The following PPP1R14D variants were observed in gnomAD, a reference collection of about 807,000 sequenced individuals.
PPP1R14D encodes protein phosphatase 1 regulatory inhibitor subunit 14D.
PPP1R14D carries 14 observed loss-of-function variants against 17.1 expected under a neutral mutation model. That is an observed-to-expected ratio of 0.82 (90% confidence interval 0.54 to 1.28). The LOEUF is 1.28. Among genes scored for constraint, PPP1R14D ranks in the 50% most tolerant of loss-of-function variants. PPP1R14D has a pLI of 0.00. For missense variants in PPP1R14D, 173 were observed against 179.2 expected, an observed-to-expected ratio of 0.97 and a Z score of 0.20; for synonymous variants, 67 against 66.1, an observed-to-expected ratio of 1.01 and a Z score of -0.06.
rs1397141450 is a variant in PPP1R14D at position 40,815,966 on chromosome 15, G to A, written c.368C>T (p.Thr123Ile). The change falls in exon 3 of 4, where the codon ACA becomes ATA. Residue 123 changes from threonine (T) to isoleucine (I), a missense_variant. By Grantham distance (89) the Thr-to-Ile change is moderately conservative. Coordinates refer to ENST00000299174, the MANE Select transcript of PPP1R14D (RefSeq NM_017726.8). ...CAGCAGAAGAACATCCCTTACCTCT[G>A]TGGGGCGGGGGCAGTTCCCAAGAAT... ...EAILGNCPRP[T>I]EAFISELLSQ... is the part of the protein sequence containing the mutation. The A allele has an allele frequency of 4.3e-6, 7 of 1,613,938 alleles. No homozygotes were observed. The African/African-American group carries it at 9.3e-5, about 22-fold the overall frequency.
chr15:40,820,857 T>C (rs1026443687), intron 1 of PPP1R14D, among the ~76,000 whole-genome samples: 1 of 149,248 alleles, frequency 6.7e-6, no homozygotes, highest in Non-Finnish European at 1.5e-5. Context: ...CAAGACTCTG[T>C]CTCAAAATAA....
At position 40,816,316 on chromosome 15, in the gene PPP1R14D, T is replaced by G. The variant is rs650119; in HGVS notation, c.256-63A>C. On this transcript the variant is annotated intron_variant, in intron 1 of 3. Transcript: ENST00000299174. ...CAGCTGGTGCTGGAATGAAGGTTAC[T>G]GTCAGGGACTCAACCCACCTCTCTC... 31 of 1,363,656 alleles carry G rather than the reference T, an allele frequency of 2.3e-5. No individual in the cohort carries two copies. The South Asian group carries it at 3.3e-4, about 14-fold the overall frequency. 84.5% of individuals were successfully genotyped at this position (1,363,656 alleles called of 1,614,324 possible).
chr15:40,817,268 A>G, intron 1 of PPP1R14D: 1 of 300,512 alleles, frequency 3.3e-6, no homozygotes, highest in Admixed American at 3.3e-5. Context: ...GAGGCAGGAG[A>G]ATCGATTGAA....
intron 1 of PPP1R14D, among the ~76,000 whole-genome samples, chr15:40,819,934 T>C (rs1235593388): frequency 1.3e-5 from 2 of 151,756 alleles, no homozygotes; most frequent in Non-Finnish European, 2.9e-5. Context: ...TGGCATGATC[T>C]CGGCTCACCG....
Position 40,828,421 on chromosome 15 carries a change from T to C in PPP1R14D, c.221A>G (p.Gln74Arg). ...GQLQRWLEMEQWVDAQVQELF... is the reference protein window; with the variant it reads ...GQLQRWLEMERWVDAQVQELF... ...CTCCTGAACTTGAGCATCCACCCATTGCTCCATCTCCAGCCAGCGCTGGAG... is the reference window on the plus strand; with the variant it reads ...CTCCTGAACTTGAGCATCCACCCATCGCTCCATCTCCAGCCAGCGCTGGAG... Residue 74 changes from glutamine to arginine, a missense_variant, in exon 1 of 4, where the codon CAA (glutamine) becomes CGA (arginine). By Grantham distance (43) the Gln-to-Arg change is conservative. Coordinates refer to ENST00000299174, the MANE Select transcript of PPP1R14D (RefSeq NM_017726.8). 1 of 1,611,592 alleles carries C rather than the reference T, an allele frequency of 6.2e-7. No homozygotes were observed. Among genetic ancestry groups the C allele is most frequent in the Non-Finnish European group, 8.5e-7 (1 of 1,178,854 alleles).
chr15:40,828,545 A>T lies in PPP1R14D; in HGVS notation c.97T>A (p.Ser33Thr). The change falls in exon 1 of 4, where the codon TCA becomes ACA. Residue 33 changes from serine to threonine, a missense_variant. Ser to Thr is a moderately conservative substitution (Grantham distance 58). Transcript: ENST00000299174. The stretch of plus-strand genomic sequence containing the variant: ...GACTTGGACTCTGAGTCTGTGGATG[A>T]TGTCCTTCTCCTCCCAGAAGCCCAG... The part of the protein sequence containing the change: ...VHWASGRRRT[S>T]STDSESKSHP... 6.2e-7 allele frequency: 1 copy of T among 1,614,136 alleles called. No homozygotes were observed. Among genetic ancestry groups the T allele is most frequent in the Non-Finnish European group, 8.5e-7 (1 of 1,180,018 alleles).
At chr15:40,819,460 A>G (rs1030553997) in intron 1 of PPP1R14D, among the ~76,000 whole-genome samples, 5 of 151,804 alleles carry the variant, frequency 3.3e-5, no homozygotes, top group African/African-American at 1.2e-4. Context: ...GAGGCAGGAG[A>G]ATGGCTTGAA....
At position 40,815,567 on chromosome 15, in the gene PPP1R14D, G is replaced by A. The variant is rs1410713817; in HGVS notation, c.*129C>T. 2 of 1,146,990 alleles carry A rather than the reference G, an allele frequency of 1.7e-6. No individual in the cohort carries two copies. The highest frequency in any genetic ancestry group is 5.1e-5 in the Admixed American group (2 of 38,878). The allele number at this position is 1,146,990 out of a possible 1,614,324, so 71.1% of individuals were successfully genotyped here. On this transcript the variant is annotated 3_prime_UTR_variant, in exon 4 of 4. Transcript: ENST00000299174. ...AGCTGTGACCACACAGACAGTAGGA[G>A]TATGCAAATGTCCCTCCTTGTCCAC...
At chr15:40,822,340 A>G (rs1890794751) in intron 1 of PPP1R14D, among the ~76,000 whole-genome samples, 1 of 151,784 alleles carries the variant, frequency 6.6e-6, no homozygotes, top group Admixed American at 6.6e-5. Context: ...AAGAAAGAAA[A>G]AAATATTTTT....
chr15:40,815,957 C>T lies in PPP1R14D; in HGVS notation c.372+5G>A. Reference sequence around the variant, plus strand: ...ACCCCAGACCAGCAGAAGAACATCCCTTACCTCTGTGGGGCGGGGGCAGTT... The same window carrying T: ...ACCCCAGACCAGCAGAAGAACATCCTTTACCTCTGTGGGGCGGGGGCAGTT... On this transcript the variant is annotated splice_donor_5th_base_variant and intron_variant, in intron 3 of 3. Coordinates refer to ENST00000299174, the MANE Select transcript of PPP1R14D (RefSeq NM_017726.8). 6.2e-7 allele frequency: 1 copy of T among 1,614,100 alleles called. No homozygotes were observed. Among genetic ancestry groups the T allele is most frequent in the South Asian group, 1.1e-5 (1 of 91,074 alleles).
At chr15:40,819,505 C>T (rs947051403) in intron 1 of PPP1R14D, among the ~76,000 whole-genome samples, 4 of 151,288 alleles carry the variant, frequency 2.6e-5, no homozygotes, top group South Asian at 2.1e-4. Context: ...CCACTGCACT[C>T]CAGCCTGGGC....
chr15:40,821,714 G>T (rs1890779993), intron 1 of PPP1R14D, among the ~76,000 whole-genome samples: 1 of 152,052 alleles, frequency 6.6e-6, no homozygotes, highest in Admixed American at 6.6e-5. Flanking sequence ...GATCACCTGA[G>T]GTCAGGGGTT....
intron 1 of PPP1R14D, among the ~76,000 whole-genome samples, chr15:40,819,867 ATTT>A (rs66982849): frequency 4.4e-5 from 6 of 137,530 alleles, no homozygotes; most frequent in Non-Finnish European, 3.1e-5. Flanking sequence ...GTATATTGCT[ATTT>A]TTTTTTTTTT....
At chr15:40,822,872 C>T (rs981692127) in intron 1 of PPP1R14D, among the ~76,000 whole-genome samples, 1 of 151,922 alleles carries the variant, frequency 6.6e-6, no homozygotes, top group African/African-American at 2.4e-5. Flanking sequence ...AATCATGGCT[C>T]ACTGCAGCCT....
intron 1 of PPP1R14D, among the ~76,000 whole-genome samples, chr15:40,821,657 G>A (rs1038109905): frequency 3.9e-5 from 6 of 152,234 alleles, no homozygotes; most frequent in African/African-American, 1.4e-4. Flanking sequence ...GCCAGGCGTG[G>A]TGGCTCATGC....
chr15:40,819,227 G>A (rs1251316424), intron 1 of PPP1R14D, among the ~76,000 whole-genome samples: 9 of 152,078 alleles, frequency 5.9e-5, no homozygotes, highest in Non-Finnish European at 1.5e-5. Flanking sequence ...TCATGTGAAG[G>A]GCCACTGTTG....
Position 40,828,677 on chromosome 15 carries a change from C to T in PPP1R14D, c.-36G>A, listed in dbSNP as rs202043366. 81 of 1,571,632 alleles carry T rather than the reference C, an allele frequency of 5.2e-5. No homozygotes were observed. The Middle Eastern group carries it at 8.6e-4, about 17-fold the overall frequency. On this transcript the variant is annotated 5_prime_UTR_variant, in exon 1 of 4. Transcript: ENST00000299174. ...GTCTGGGCAAGGAGCTGGGAAAAACCGCCAGTTCTGAGCAGAGCCACAGAG... is the reference window on the plus strand; with the variant it reads ...GTCTGGGCAAGGAGCTGGGAAAAACTGCCAGTTCTGAGCAGAGCCACAGAG...
At chr15:40,820,770 A>G (rs1890761791) in intron 1 of PPP1R14D, among the ~76,000 whole-genome samples, 1 of 152,022 alleles carries the variant, frequency 6.6e-6, no homozygotes, top group South Asian at 2.1e-4. Context: ...CTGAGGCAGC[A>G]GAATGGCTTG....
chr15:40,820,862 A>C (rs1172996628), intron 1 of PPP1R14D, among the ~76,000 whole-genome samples: 1 of 151,174 alleles, frequency 6.6e-6, no homozygotes, highest in Non-Finnish European at 1.5e-5. Context: ...CTCTGTCTCA[A>C]AATAAAATAA....
Sources: gnomAD v4.1 joint callset for allele counts (sites outside exome capture counted in the v4.1 genomes callset) on GRCh38, gnomAD v4.1.1 for gene constraint, MANE v1.5 for transcripts, NCBI Gene and HGNC (gene_info 2026-07-23, HGNC 2026-07-21) for gene names.